SORBS2: variants seen among roughly 807,000 people sequenced by gnomAD.
SORBS2 encodes sorbin and SH3 domain-containing protein 2.
A neutral mutation model predicts 97.7 loss-of-function variants in SORBS2; 46 were observed. The observed-to-expected ratio is 0.47, with a 90% confidence interval of 0.37 to 0.60. The LOEUF (loss-of-function observed/expected upper bound fraction) is 0.60. Among genes scored for constraint, SORBS2 ranks in the 20% least tolerant of loss-of-function variants. The pLI, the probability that SORBS2 is intolerant of heterozygous loss-of-function variation, is 0.00. For missense variants in SORBS2, 1,316 were observed against 1,282.3 expected (o/e 1.03, Z -0.40); for synonymous variants, 476 against 473.4 (o/e 1.01, Z -0.07).
At chr4:185,624,111 A>G (rs2096768320) in exon 7 of SORBS2, 1 of 1,614,056 alleles carries the variant, frequency 6.2e-7, no homozygotes, top group Non-Finnish European at 8.5e-7. Context: ...CTGATCCTTG[A>G]TCTGCCGTTA....
chr4:185,640,727 A>G (rs1258740152), intron 4 of SORBS2, among the ~76,000 whole-genome samples: 1 of 152,214 alleles, frequency 6.6e-6, no homozygotes, highest in Admixed American at 6.5e-5. Flanking sequence ...TTATAGATGC[A>G]TAATTGTTCG....
intron 2 of SORBS2, among the ~76,000 whole-genome samples, chr4:185,722,720 C>T (rs1051460380): frequency 6.6e-6 from 1 of 152,098 alleles, no homozygotes; most frequent in Non-Finnish European, 1.5e-5. Context: ...ACTCTTTTTT[C>T]TTAATTAAAG....
chr4:185,820,596 G>A (rs1054449848), intron 1 of SORBS2, among the ~76,000 whole-genome samples: 1 of 152,182 alleles, frequency 6.6e-6, no homozygotes, highest in African/African-American at 2.4e-5. Flanking sequence ...AGGCTAGGGA[G>A]CAGCGTGCGC....
At chr4:185,833,607 T>A (rs1413668837) in intron 1 of SORBS2, among the ~76,000 whole-genome samples, 1 of 152,200 alleles carries the variant, frequency 6.6e-6, no homozygotes, top group Non-Finnish European at 1.5e-5. Flanking sequence ...GATTATCAGT[T>A]TTTAAAATTA....
chr4:185,652,796 AT>A, intron 1 of SORBS2, 68 bp from the exon 10 acceptor site: 1 of 1,130,234 alleles, frequency 8.8e-7, no homozygotes, highest in Non-Finnish European at 1.4e-6. Flanking sequence ...CAGTGTTTTC[AT>A]TTCTCTATTT....
intron 1 of SORBS2, among the ~76,000 whole-genome samples, chr4:185,854,394 A>G (rs1489667308): frequency 1.3e-5 from 2 of 152,202 alleles, no homozygotes; most frequent in Non-Finnish European, 2.9e-5. Flanking sequence ...TCCTCGTATC[A>G]TTAGACTGGC....
chr4:185,736,068 T>G (rs976956546), intron 2 of SORBS2, among the ~76,000 whole-genome samples: 3 of 151,896 alleles, frequency 2.0e-5, no homozygotes, highest in Non-Finnish European at 4.4e-5. Context: ...GTCTCAGGGG[T>G]GGGGTGGGGT....
chr4:185,619,025 G>A (rs1296262347), intron 8 of SORBS2, among the ~76,000 whole-genome samples: 1 of 152,134 alleles, frequency 6.6e-6, no homozygotes, highest in African/African-American at 2.4e-5. Flanking sequence ...ATAATAAAAG[G>A]ACCAGATGTC....
intron 4 of SORBS2, among the ~76,000 whole-genome samples, chr4:185,635,906 T>C (rs1441508777): frequency 6.6e-6 from 1 of 152,188 alleles, no homozygotes; most frequent in Non-Finnish European, 1.5e-5. Flanking sequence ...TCACCCAGGC[T>C]GGAGTGTAGT....
At chr4:185,660,047 T>C (rs1160461059), upstream of SORBS2, among the ~76,000 whole-genome samples, 1 of 152,238 alleles carries the variant, frequency 6.6e-6, no homozygotes, top group African/African-American at 2.4e-5. Context: ...GCAAGGTAGA[T>C]GTACATATTC....
Position 185,789,863 on chromosome 4 carries a change from T to C in SORBS2, c.-337-14497A>G, listed in dbSNP as rs141327236. Reference sequence around the variant, plus strand: ...TCTTGCTTCTTGACCATTTTCTCACTGTTTTAGTGCATTTGGAAATGAGTT... The same window carrying C: ...TCTTGCTTCTTGACCATTTTCTCACCGTTTTAGTGCATTTGGAAATGAGTT... On this transcript the variant is annotated intron_variant, in intron 1 of 20. Transcript: ENST00000284776. Among the ~76,000 whole-genome samples, 1,128 of 152,344 alleles carry C rather than the reference T, an allele frequency of 7.4e-3. 8 individuals are homozygous for C. Among genetic ancestry groups the C allele is most frequent in the Middle Eastern group, 0.017 (5 of 294 alleles).
At chr4:185,912,208 A>G (rs2099255517) in intron 1 of SORBS2, among the ~76,000 whole-genome samples, 1 of 152,188 alleles carries the variant, frequency 6.6e-6, no homozygotes, top group Non-Finnish European at 1.5e-5. Flanking sequence ...CTAGCCTCGT[A>G]CAGGTGACAA....
At chr4:185,726,121 G>T (rs75466661) in intron 2 of SORBS2, among the ~76,000 whole-genome samples, 1 of 152,276 alleles carries the variant, frequency 6.6e-6, no homozygotes, top group East Asian at 1.9e-4. Flanking sequence ...TGACTGGTGT[G>T]GCGAGGCAGG....
Position 185,953,272 on chromosome 4 carries a change from C to G in SORBS2, c.-338+2924G>C, listed in dbSNP as rs1299474335. Among the ~76,000 whole-genome samples, 4 of 152,218 alleles carry G rather than the reference C, an allele frequency of 2.6e-5. No homozygotes were observed. The East Asian group carries it at 7.7e-4, about 29-fold the overall frequency. ...GAGTTTGCAGTGAGCCGAGATTGCG[C>G]CACCGCACTCCAGCCTGGGTGACAG... On this transcript the variant is annotated intron_variant, in intron 1 of 20. Coordinates refer to the SORBS2 transcript ENST00000284776.
At chr4:185,818,693 G>C (rs1404425159) in intron 1 of SORBS2, among the ~76,000 whole-genome samples, 3 of 151,986 alleles carry the variant, frequency 2.0e-5, no homozygotes, top group Admixed American at 2.0e-4. Flanking sequence ...GGGCCTGGTG[G>C]TGGGCGCCTG....
intron 2 of SORBS2, among the ~76,000 whole-genome samples, chr4:185,745,093 T>TCACAGAACACA (rs2098751785): frequency 6.6e-6 from 1 of 152,158 alleles, no homozygotes; most frequent in African/African-American, 2.4e-5. Flanking sequence ...GTGATGCAGG[T>TCACAGAACACA]GGCTTGTTCT....
chr4:185,903,538 A>G (rs969057569), intron 1 of SORBS2, among the ~76,000 whole-genome samples: 3 of 152,186 alleles, frequency 2.0e-5, no homozygotes, highest in African/African-American at 7.2e-5. Context: ...TCCCCTCAAA[A>G]AGAGGGGTCC....
chr4:185,608,736 G>C (rs1174398113), intron 12 of SORBS2, among the ~76,000 whole-genome samples: 1 of 152,158 alleles, frequency 6.6e-6, no homozygotes, highest in Non-Finnish European at 1.5e-5. Context: ...AATGCTACCT[G>C]CTATGTGCCT....
At chr4:185,725,511 C>G (rs2098549055) in intron 2 of SORBS2, among the ~76,000 whole-genome samples, 1 of 152,158 alleles carries the variant, frequency 6.6e-6, no homozygotes, top group Non-Finnish European at 1.5e-5. Context: ...ATTTCCTCAC[C>G]TATAAACTTG....
Sources: gnomAD v4.1 joint callset for allele counts (sites outside exome capture counted in the v4.1 genomes callset) on GRCh38, gnomAD v4.1.1 for gene constraint, MANE v1.5 for transcripts, NCBI Gene and HGNC (gene_info 2026-07-23, HGNC 2026-07-21) for gene names.